Variants in RARB observed in about 807,000 individuals in gnomAD.
RARB encodes the protein HBV-activated protein.
RARB carries 17 observed loss-of-function variants against 51.9 expected under a neutral mutation model. The observed-to-expected ratio is 0.33, with a 90% CI of 0.22 to 0.49. The LOEUF (loss-of-function observed/expected upper bound fraction) is 0.49, where lower values mean the gene tolerates loss of function less well. Ranked by LOEUF, RARB falls within the 20% of genes least tolerant of loss-of-function variation. The probability of loss-of-function intolerance (pLI) is 0.99; values close to 1 mark genes in which losing one functional copy is unlikely to be tolerated. For missense variants in RARB, 369 were observed against 550.8 expected (o/e 0.67, Z 3.30); for synonymous variants, 215 against 195.4 (o/e 1.10, Z -0.84).
intron 4 of RARB, among the ~76,000 whole-genome samples, chr3:25,170,564 C>T (rs1700627325): frequency 6.6e-6 from 1 of 152,032 alleles, no homozygotes. Flanking sequence ...TTTTAAAAAT[C>T]GTGTTGTAAG....
chr3:25,371,342 A>T (rs1028888167), intron 5 of RARB, among the ~76,000 whole-genome samples: 2 of 152,204 alleles, frequency 1.3e-5, no homozygotes, highest in African/African-American at 4.8e-5. Context: ...GGGTAGCACC[A>T]TTCAACCTAC....
chr3:24,944,105 C>T (rs1695725141), intron 2 of RARB, among the ~76,000 whole-genome samples: 2 of 152,194 alleles, frequency 1.3e-5, no homozygotes, highest in African/African-American at 4.8e-5. Flanking sequence ...TGAAGTCTGA[C>T]TCATCCTCTT....
intron 2 of RARB, among the ~76,000 whole-genome samples, chr3:24,923,088 C>T (rs1158685416): frequency 6.6e-6 from 1 of 152,128 alleles, no homozygotes; most frequent in Non-Finnish European, 1.5e-5. Flanking sequence ...AATATTCAGA[C>T]AAGGGTAAAA....
At chr3:25,338,411 G>GT (rs1705128220) in intron 5 of RARB, among the ~76,000 whole-genome samples, 1 of 152,104 alleles carries the variant, frequency 6.6e-6, no homozygotes, top group African/African-American at 2.4e-5. Flanking sequence ...AAATTGAATG[G>GT]GTGAAGAGAA....
At chr3:24,905,267 T>A (rs993581210) in intron 2 of RARB, among the ~76,000 whole-genome samples, 5 of 152,214 alleles carry the variant, frequency 3.3e-5, no homozygotes, top group Admixed American at 2.6e-4. Flanking sequence ...GATATGGTAG[T>A]TTCAAATGTG....
At chr3:24,874,692 C>CT (rs1218646913) in intron 2 of RARB, among the ~76,000 whole-genome samples, 2 of 150,950 alleles carry the variant, frequency 1.3e-5, no homozygotes, top group Admixed American at 6.6e-5. Flanking sequence ...TAGCTTTTTT[C>CT]TTTTTTTTCT....
chr3:25,000,967 T>C (rs1313463001), intron 2 of RARB, among the ~76,000 whole-genome samples: 3 of 152,102 alleles, frequency 2.0e-5, no homozygotes, highest in Non-Finnish European at 4.4e-5. Flanking sequence ...AAAATTATGG[T>C]TGATTTTTGA....
chr3:25,066,346 A>G (rs1365650530), intron 3 of RARB, among the ~76,000 whole-genome samples: 1 of 152,180 alleles, frequency 6.6e-6, no homozygotes, highest in Non-Finnish European at 1.5e-5. Flanking sequence ...AATTCAGGAG[A>G]GCATGTGTTA....
chr3:25,007,322 T>C (rs1047692511), intron 2 of RARB, among the ~76,000 whole-genome samples: 2 of 152,090 alleles, frequency 1.3e-5, no homozygotes, highest in Admixed American at 1.3e-4. Context: ...AACTCAATGC[T>C]AGCTACCAAA....
chr3:24,937,479 A>C (rs1024946605), intron 2 of RARB, among the ~76,000 whole-genome samples: 3 of 152,192 alleles, frequency 2.0e-5, no homozygotes, highest in Non-Finnish European at 4.4e-5. Context: ...CCCCACCCAC[A>C]TGTACATATG....
At chr3:25,152,700 T>A (rs1349758293) in intron 4 of RARB, among the ~76,000 whole-genome samples, 1 of 152,224 alleles carries the variant, frequency 6.6e-6, no homozygotes, top group Non-Finnish European at 1.5e-5. Context: ...TTTTAAAGGC[T>A]CTACATATTA....
rs556904515 is a variant in RARB at position 24,975,809 on chromosome 3, G to A, written c.-379-84316G>A. On this transcript the variant is annotated intron_variant, in intron 2 of 11. Coordinates refer to the RARB transcript ENST00000383772. ...TTATACATTAAGTTCTAGGGTACAC[G>A]TGCACAACGTGCAGGTTTGTTACAT... Among the ~76,000 whole-genome samples, 9 of 152,018 alleles carry A rather than the reference G, an allele frequency of 5.9e-5. No homozygotes were observed. In the East Asian group the frequency reaches 9.7e-4, roughly 16 times the overall value.
At chr3:24,879,671 C>T (rs1025094882) in intron 2 of RARB, among the ~76,000 whole-genome samples, 1 of 151,760 alleles carries the variant, frequency 6.6e-6, no homozygotes, top group African/African-American at 2.4e-5. Context: ...AACAAAAAAC[C>T]GAATCACTTT....
rs558703979 is a variant in RARB, at chr3:24,979,472, A to G, written c.-379-80653A>G. On this transcript the variant is annotated intron_variant, in intron 2 of 11. Transcript: ENST00000383772. ...ATAGTTAGCTCTTCTTGTTGGATTG[A>G]TCCCTTTACCATTATGTAATAGTCT... Among the ~76,000 whole-genome samples, 24 of 152,108 alleles carry G rather than the reference A, an allele frequency of 1.6e-4. 1 individual carries two copies. The South Asian group carries it at 5.0e-3, about 32-fold the overall frequency.
chr3:25,524,699 T>A (rs1234486182), intron 3 of RARB, among the ~76,000 whole-genome samples: 4 of 150,158 alleles, frequency 2.7e-5, no homozygotes, highest in Non-Finnish European at 3.0e-5. Context: ...TTCTGTCCCT[T>A]TTTCCTCCCA....
intron 3 of RARB, among the ~76,000 whole-genome samples, chr3:25,549,179 G>A (rs1364754696): frequency 3.3e-5 from 5 of 151,998 alleles, no homozygotes; most frequent in African/African-American, 1.2e-4. Context: ...CATGTTCTTG[G>A]TGAGGGGCAT....
At chr3:25,584,522 G>GGT (rs2125311754) in intron 5 of RARB, among the ~76,000 whole-genome samples, 1 of 152,286 alleles carries the variant, frequency 6.6e-6, no homozygotes, top group East Asian at 1.9e-4. Flanking sequence ...TGATGGGAGG[G>GGT]GTGTGTGAGT....
At chr3:25,494,848 G>GA (rs989817771) in intron 2 of RARB, among the ~76,000 whole-genome samples, 2 of 152,208 alleles carry the variant, frequency 1.3e-5, no homozygotes, top group African/African-American at 4.8e-5. Flanking sequence ...AAATTGTTCA[G>GA]AAAAAACTGA....
At chr3:24,843,082 G>GA (rs1389943846) in intron 1 of RARB, among the ~76,000 whole-genome samples, 8 of 152,290 alleles carry the variant, frequency 5.3e-5, no homozygotes, top group South Asian at 4.1e-4. Context: ...ACCACGAAGG[G>GA]AAAACCAGTG....
Sources: allele counts gnomAD v4.1 joint callset (sites outside exome capture counted in the v4.1 genomes callset), GRCh38; gene constraint gnomAD v4.1.1; transcripts MANE v1.5; gene names NCBI Gene and HGNC (gene_info 2026-07-23, HGNC 2026-07-21).